Variants in PHLPP2 observed in about 807,000 individuals in gnomAD.
PHLPP2 encodes the protein PH domain and leucine rich repeat protein phosphatase 2, also known as PH domain leucine-rich repeat-containing protein phosphatase 2.
Under a neutral mutation model 124.9 loss-of-function variants are expected in PHLPP2, and 66 were observed. The observed-to-expected ratio is 0.53, with a 90% CI of 0.43 to 0.65. The LOEUF is 0.65. Ranked by LOEUF, PHLPP2 falls within the 30% of genes least tolerant of loss-of-function variation. The pLI is 0.00. For synonymous variants in PHLPP2, 681 were observed against 624.7 expected (o/e 1.09, Z -1.34); for missense variants, 1,685 against 1,600.4 (o/e 1.05, Z -0.90).
At chr16:71,712,505 C>T (rs546474724) in intron 2 of PHLPP2, among the ~76,000 whole-genome samples, 1 of 152,082 alleles carries the variant, frequency 6.6e-6, no homozygotes, top group African/African-American at 2.4e-5. Context: ...AATGAATACA[C>T]CATATACTTA....
intron 11 of PHLPP2, 62 bp from the exon 12 acceptor site, chr16:71,667,395 T>C: frequency 1.5e-6 from 2 of 1,302,758 alleles, no homozygotes; most frequent in Admixed American, 4.0e-5. Context: ...TTTCTGAGGC[T>C]GTCCTAGCCT....
chr16:71,656,814 G>T, intron 15 of PHLPP2, 133 bp from the exon 16 acceptor site: 1 of 559,696 alleles, frequency 1.8e-6, no homozygotes, highest in Non-Finnish European at 3.2e-6. Context: ...GCAGTGGTGT[G>T]ACCTCAGCTC....
At chr16:71,669,393 T>A (rs1166233859) in intron 10 of PHLPP2, 23 bp from the exon 11 acceptor site, 1 of 1,521,840 alleles carries the variant, frequency 6.6e-7, no homozygotes, top group Admixed American at 1.7e-5. Context: ...AATAATTAAA[T>A]GGCACCATTT....
In PHLPP2 at chr16:71,648,987, T is replaced by C. The variant is rs1445633664; in HGVS notation, c.3875A>G (p.Lys1292Arg). ...VVPHDLEEEV[K>R]EQMKQHQDSR... ...GTCCTGGTGCTGTTTCATTTGTTCCTTCACTTCTTCTTCCAGGTCATGAGG... is the reference window on the plus strand; with the variant it reads ...GTCCTGGTGCTGTTTCATTTGTTCCCTCACTTCTTCTTCCAGGTCATGAGG... The change falls in exon 19 of 19, where the codon AAG (lysine) becomes AGG (arginine). Residue 1292 changes from lysine to arginine, a missense_variant. Coordinates refer to ENST00000568954, the MANE Select transcript of PHLPP2 (RefSeq NM_015020.3). 2.5e-6 allele frequency: 4 copies of C among 1,614,014 alleles called. No individual in the cohort carries two copies. In the South Asian group the frequency reaches 4.4e-5, roughly 18 times the overall value.
rs192542417 is a variant in PHLPP2, at chr16:71,694,324, G to A, written c.419-3615C>T. Among the ~76,000 whole-genome samples the A allele has an allele frequency of 8.2e-3, 1,243 of 152,186 alleles. 10 individuals are homozygous for A. The highest frequency in any genetic ancestry group is 0.013 in the Non-Finnish European group (864 of 68,008). The stretch of plus-strand genomic sequence containing the variant: ...TAAAATACAAAAATTAGCTGGGCAT[G>A]GTGGCAGACACCTGTAATCCCAGCT... On this transcript the variant is annotated intron_variant, in intron 3 of 18. Transcript: ENST00000568954.
chr16:71,721,409 G>T (rs1174676720), intron 1 of PHLPP2, among the ~76,000 whole-genome samples: 4 of 152,132 alleles, frequency 2.6e-5, no homozygotes, highest in Admixed American at 1.3e-4. Context: ...CTTGAGGCCA[G>T]GAGTTTGAGA....
At chr16:71,688,567 G>A (rs1158084350) in intron 4 of PHLPP2, among the ~76,000 whole-genome samples, 2 of 146,132 alleles carry the variant, frequency 1.4e-5, no homozygotes, top group Non-Finnish European at 3.0e-5. Flanking sequence ...TCTGATGGTT[G>A]AGTTTGTGGA....
intron 2 of PHLPP2, among the ~76,000 whole-genome samples, chr16:71,713,145 AAAC>A (rs1432314873): frequency 4.6e-5 from 7 of 152,208 alleles, no homozygotes; most frequent in Non-Finnish European, 7.3e-5. Context: ...TAAAATAACA[AAAC>A]AACAAAATTC....
chr16:71,660,372 CA>C (rs1158155665), intron 13 of PHLPP2, among the ~76,000 whole-genome samples: 5,088 of 26,982 alleles, frequency 0.19, 21 homozygotes, highest in African/African-American at 0.24. Context: ...GACCTTGTCT[CA>C]AAAAAAAAAA....
At chr16:71,711,852 AAGTAACAGCTG>A (rs2045326315) in intron 2 of PHLPP2, among the ~76,000 whole-genome samples, 1 of 152,248 alleles carries the variant, frequency 6.6e-6, no homozygotes, top group African/African-American at 2.4e-5. Context: ...GATCATAAAC[AAGTAACAGCTG>A]AGTAACAGAT....
At chr16:71,719,940 G>C (rs1186094278) in intron 1 of PHLPP2, among the ~76,000 whole-genome samples, 1 of 142,036 alleles carries the variant, frequency 7.0e-6, no homozygotes, top group Non-Finnish European at 1.5e-5. Context: ...TGGGATTACA[G>C]GTGCACAACA....
intron 16 of PHLPP2, among the ~76,000 whole-genome samples, chr16:71,656,113 A>G (rs2044740138): frequency 6.6e-6 from 1 of 152,116 alleles, no homozygotes; most frequent in South Asian, 2.1e-4. Flanking sequence ...ATGAGAGTGC[A>G]CCCCATGGAA....
chr16:71,671,635 C>T (rs1367834959), intron 10 of PHLPP2, among the ~76,000 whole-genome samples: 3 of 152,022 alleles, frequency 2.0e-5, no homozygotes, highest in African/African-American at 7.3e-5. Flanking sequence ...CACTATCTGG[C>T]TGGGCTCGGT....
intron 9 of PHLPP2, among the ~76,000 whole-genome samples, chr16:71,675,062 T>A (rs979698979): frequency 6.6e-6 from 1 of 152,152 alleles, no homozygotes; most frequent in African/African-American, 2.4e-5. Context: ...CTTGTGCACA[T>A]GTGGGTGTCT....
rs1161408789 is a variant in PHLPP2 at position 71,658,600 on chromosome 16, C to A, written c.2148+53G>T. On this transcript the variant is annotated intron_variant, in intron 14 of 18. Transcript: ENST00000568954. ...TTTATAAAAGGAAAATAATGTCATT[C>A]ACTCTCCTGCCATTTCCCCCAATAA... The A allele has an allele frequency of 1.3e-5, 20 of 1,530,174 alleles. No homozygotes were observed. In the East Asian group the frequency reaches 3.6e-4, roughly 28 times the overall value. The allele number at this position is 1,530,174 out of a possible 1,614,324, so 94.8% of individuals were successfully genotyped here.
In PHLPP2 at chr16:71,649,451, G is replaced by A. The variant is rs2044678501; in HGVS notation, c.3411C>T (p.Thr1137=). ...GLFQRQPSSA[T]FSSNQSDNGL... Reference sequence around the variant, plus strand: ...CGTTGTCAGACTGGTTACTGGAGAAGGTAGCAGAAGAAGGCTGGCGCTGAA... The same window carrying A: ...CGTTGTCAGACTGGTTACTGGAGAAAGTAGCAGAAGAAGGCTGGCGCTGAA... Residue 1137 remains threonine (T), a synonymous_variant, in exon 19 of 19, where the codon ACC becomes ACT. Transcript: ENST00000568954. 6.2e-7 allele frequency: 1 copy of A among 1,614,020 alleles called. No homozygotes were observed.
intron 2 of PHLPP2, among the ~76,000 whole-genome samples, chr16:71,706,731 T>C (rs928463294): frequency 6.6e-6 from 1 of 152,144 alleles, no homozygotes; most frequent in Admixed American, 6.5e-5. Flanking sequence ...TAGTACATAA[T>C]GACATCAGGG....
At position 71,645,051 on chromosome 16, in the gene PHLPP2, T is replaced by C. The variant is rs1369640790; in HGVS notation, c.*3839A>G. The stretch of plus-strand genomic sequence containing the variant: ...TTATTGAATTAAAAAATTTAACACA[T>C]TTCAAAAATATCAAAAATACACTAT... On this transcript the variant is annotated 3_prime_UTR_variant, in exon 19 of 19. Coordinates refer to ENST00000568954, the MANE Select transcript of PHLPP2 (RefSeq NM_015020.3). 1 of 275,906 alleles carries C rather than the reference T, an allele frequency of 3.6e-6. No homozygotes were observed. The highest frequency in any genetic ancestry group is 7.1e-6 in the Non-Finnish European group (1 of 140,760). 17.1% of individuals were successfully genotyped at this position (275,906 alleles called of 1,614,324 possible).
intron 1 of PHLPP2, among the ~76,000 whole-genome samples, chr16:71,720,888 A>C (rs78736295): frequency 6.7e-6 from 1 of 150,166 alleles, no homozygotes; most frequent in Non-Finnish European, 1.5e-5. Flanking sequence ...AAAAAAAAAA[A>C]CAATGTGAAA....
Sources: gnomAD v4.1 joint callset for allele counts (sites outside exome capture counted in the v4.1 genomes callset) on GRCh38, gnomAD v4.1.1 for gene constraint, MANE v1.5 for transcripts, NCBI Gene and HGNC (gene_info 2026-07-23, HGNC 2026-07-21) for gene names.